The following ALDH18A1 variants were observed in gnomAD, a reference collection of about 807,000 sequenced individuals.
The protein encoded by ALDH18A1 is delta-1-pyrroline-5-carboxylate synthase.
In ALDH18A1, 44 loss-of-function variants were observed where a neutral mutation model predicts 88.8. The ratio of observed to expected loss-of-function variants is 0.50; its 90% CI spans 0.39 to 0.64. The LOEUF (loss-of-function observed/expected upper bound fraction) is 0.64, where lower values mean the gene tolerates loss of function less well. Ranked by LOEUF, ALDH18A1 falls within the 30% of genes least tolerant of loss-of-function variation. The pLI, the probability that ALDH18A1 is intolerant of heterozygous loss-of-function variation, is 0.00. For missense variants in ALDH18A1, 782 were observed against 1,009.5 expected (o/e 0.77, Z 3.05); for synonymous variants, 331 against 372.1 (o/e 0.89, Z 1.27).
At chr10:95,638,085 C>T (rs1377827185) in intron 3 of ALDH18A1, among the ~76,000 whole-genome samples, 2 of 152,206 alleles carry the variant, frequency 1.3e-5, no homozygotes, top group Non-Finnish European at 2.9e-5. Context: ...ATGAATGTGG[C>T]TCACTGCAGC....
In ALDH18A1 at chr10:95,606,642, T is replaced by C. The variant is rs2097823237; in HGVS notation, c.*120A>G. 6.2e-7 allele frequency: 1 copy of C among 1,606,522 alleles called. No individual in the cohort carries two copies. Among genetic ancestry groups the C allele is most frequent in the Non-Finnish European group, 8.5e-7 (1 of 1,178,662 alleles). On this transcript the variant is annotated 3_prime_UTR_variant, in exon 18 of 18. Transcript: ENST00000371224. ...CAAACGGAGCCCAGAAGCATCCAGG[T>C]ACACTTTCCAACAGGCAGACCCTAC...
chr10:95,631,854 G>GA (rs1243621333), intron 7 of ALDH18A1, among the ~76,000 whole-genome samples: 2 of 151,546 alleles, frequency 1.3e-5, no homozygotes, highest in African/African-American at 2.4e-5. Context: ...CCTTACTTTG[G>GA]AAAACAGTCT....
chr10:95,620,964 T>A (rs1239588144), intron 12 of ALDH18A1, 67 bp downstream of exon 12: 4 of 1,437,514 alleles, frequency 2.8e-6, no homozygotes, highest in Non-Finnish European at 3.8e-6. Context: ...AGAAAATATA[T>A]TCTTCCTCCA....
chr10:95,643,092 T>C lies in ALDH18A1; in HGVS notation c.203A>G (p.Lys68Arg). 2 of 1,614,240 alleles carry C rather than the reference T, an allele frequency of 1.2e-6. No individual in the cohort carries two copies. The highest frequency in any genetic ancestry group is 1.7e-6 in the Non-Finnish European group (2 of 1,180,046). Reference sequence around the variant, plus strand: ...CTTCACCACGATTCTCTTGGCATGCTTCAGCTCACTGCGGTGGGCGAAGGA... The same window carrying C: ...CTTCACCACGATTCTCTTGGCATGCCTCAGCTCACTGCGGTGGGCGAAGGA... ...GKSFAHRSEL[K>R]HAKRIVVKLG... The change falls in exon 3 of 18, where the codon AAG (lysine) becomes AGG (arginine). Residue 68 changes from lysine (K) to arginine (R), a missense_variant. Lys to Arg is a conservative substitution (Grantham distance 26, BLOSUM62 2). Around this residue, in one of 3 missense-constraint regions of ALDH18A1, gnomAD observed 94 missense variants for 99.5 expected, o/e 0.94. Transcript: ENST00000371224.
rs148228931 is a variant in ALDH18A1 at position 95,643,076 on chromosome 10, G to A, written c.219C>T (p.Ile73=). The A allele has an allele frequency of 3.0e-5, 49 of 1,614,166 alleles. No homozygotes were observed. The African/African-American group carries it at 3.3e-4, about 11-fold the overall frequency. ...CCACGGCACTGCCGAGCTTCACCAC[G>A]ATTCTCTTGGCATGCTTCAGCTCAC... ...HRSELKHAKR[I]VVKLGSAVVT... Residue 73 remains isoleucine, a synonymous_variant, in exon 3 of 18, where the codon ATC becomes ATT. Transcript: ENST00000371224.
intron 2 of ALDH18A1, among the ~76,000 whole-genome samples, chr10:95,648,163 G>A (rs897443942): frequency 1.3e-5 from 2 of 152,104 alleles, no homozygotes; most frequent in African/African-American, 4.8e-5. Context: ...TCAACCTGTG[G>A]GCTGTCCTCA....
intron 9 of ALDH18A1, 146 bp downstream of exon 9, chr10:95,627,296 A>T (rs1456254695): frequency 1.8e-6 from 2 of 1,104,836 alleles, no homozygotes; most frequent in Non-Finnish European, 2.7e-6. Context: ...AATTTCACAA[A>T]AGCAAAGCAA....
At chr10:95,626,656 T>C (rs548311307) in intron 10 of ALDH18A1, 47 bp downstream of exon 10, 3 of 1,583,592 alleles carry the variant, frequency 1.9e-6, no homozygotes, top group East Asian at 2.2e-5. Context: ...CTACACAGCA[T>C]GACTCACTCT....
At chr10:95,610,434 A>C in intron 16 of ALDH18A1, 142 bp from the exon 17 acceptor site, 1 of 729,928 alleles carries the variant, frequency 1.4e-6, no homozygotes, top group Non-Finnish European at 2.4e-6. Flanking sequence ...TTAAATACTC[A>C]GGCTTATGAA....
In ALDH18A1 at chr10:95,616,589, C is replaced by A. The variant is rs569086681; in HGVS notation, c.1493G>T (p.Gly498Val). The A allele has an allele frequency of 1.9e-6, 3 of 1,606,994 alleles. No homozygotes were observed. In the African/African-American group the frequency reaches 4.0e-5, roughly 21 times the overall value. The stretch of plus-strand genomic sequence containing the variant: ...CCCTCCTTTGAGTAACAAGCCATTG[C>A]CACTTGCGATAGCCAAAGCTGCCAC... ...PQVAALAIAS[G>V]NGLLLKGGKE... The change falls in exon 13 of 18, where the codon GGC becomes GTC. Residue 498 changes from glycine (G) to valine (V), a missense_variant. Gly to Val is a moderately radical substitution (Grantham distance 109, BLOSUM62 -3). Transcript: ENST00000371224.
intron 7 of ALDH18A1, among the ~76,000 whole-genome samples, chr10:95,630,120 C>CCT (rs1555261855): frequency 1.3e-5 from 2 of 151,390 alleles, no homozygotes; most frequent in East Asian, 2.0e-4. Context: ...TCTTTCCCCC[C>CCT]CCTCTCCCAA....
Position 95,631,796 on chromosome 10 carries a change from T to C in ALDH18A1, c.808+1163A>G, listed in dbSNP as rs563260999. On this transcript the variant is annotated intron_variant, in intron 7 of 17. Transcript: ENST00000371224. Reference sequence around the variant, plus strand: ...GAATAACAGCAATGATGTAAACACATTAGAACCTTCATACAATGCTGGTGA... The same window carrying C: ...GAATAACAGCAATGATGTAAACACACTAGAACCTTCATACAATGCTGGTGA... 2.7e-4 allele frequency among the ~76,000 whole-genome samples: 40 copies of C among 145,852 alleles called. 1 individual carries two copies. The highest frequency in any genetic ancestry group is 2.5e-3 in the Admixed American group (37 of 14,740).
In ALDH18A1 at chr10:95,637,308, C is replaced by T; in HGVS notation, c.432G>A (p.Gly144=). ...TCACCATTTCTTTCAGCTGGTTCTGCCCCGAGTGGAGGGCCTGCCGCACGC... is the reference window on the plus strand; with the variant it reads ...TCACCATTTCTTTCAGCTGGTTCTGTCCCGAGTGGAGGGCCTGCCGCACGC... ...SQSVRQALHS[G]QNQLKEMAIP... The change falls in exon 4 of 18, where the codon GGG becomes GGA. Residue 144 remains glycine (G), a synonymous_variant. Coordinates refer to ENST00000371224, the MANE Select transcript of ALDH18A1 (RefSeq NM_002860.4). 6.2e-7 allele frequency: 1 copy of T among 1,614,224 alleles called. No homozygotes were observed. The highest frequency in any genetic ancestry group is 8.5e-7 in the Non-Finnish European group (1 of 1,180,050).
At chr10:95,623,668 C>T (rs1217061167) in intron 11 of ALDH18A1, among the ~76,000 whole-genome samples, 1 of 152,092 alleles carries the variant, frequency 6.6e-6, no homozygotes, top group African/African-American at 2.4e-5. Flanking sequence ...CGAGTTCAAG[C>T]GATTCTCCTG....
intron 7 of ALDH18A1, 24 bp from the exon 8 acceptor site, chr10:95,628,516 A>G: frequency 6.2e-7 from 1 of 1,610,218 alleles, no homozygotes; most frequent in Non-Finnish European, 8.5e-7. Context: ...AAGAGTCAGT[A>G]ATACTGCTTT....
chr10:95,606,334 C>A lies in ALDH18A1; in HGVS notation c.*428G>T. Reference sequence around the variant, plus strand: ...CCTTTTCTAAAATTCCAAATCTTTCCTTTTTGAAGATGACTACATGTGAAA... The same window carrying A: ...CCTTTTCTAAAATTCCAAATCTTTCATTTTTGAAGATGACTACATGTGAAA... On this transcript the variant is annotated 3_prime_UTR_variant, in exon 18 of 18. Coordinates refer to ENST00000371224, the MANE Select transcript of ALDH18A1 (RefSeq NM_002860.4). 1 of 1,000,310 alleles carries A rather than the reference C, an allele frequency of 1.0e-6. No homozygotes were observed. The highest frequency in any genetic ancestry group is 1.2e-6 in the Non-Finnish European group (1 of 838,528). The allele number at this position is 1,000,310 out of a possible 1,614,324, so 62.0% of individuals were successfully genotyped here.
At chr10:95,621,976 T>C (rs559955328) in intron 11 of ALDH18A1, among the ~76,000 whole-genome samples, 1 of 152,262 alleles carries the variant, frequency 6.6e-6, no homozygotes, top group African/African-American at 2.4e-5. Flanking sequence ...AGGCAAACTA[T>C]AAAACAGCAT....
At chr10:95,616,844 C>G in intron 12 of ALDH18A1, 1 of 617,324 alleles carries the variant, frequency 1.6e-6, no homozygotes, top group Non-Finnish European at 2.9e-6. Flanking sequence ...CGAAGTCACA[C>G]AGCTTATAAA....
Position 95,643,063 on chromosome 10 carries a change from C to T in ALDH18A1, c.232G>A (p.Gly78Ser), listed in dbSNP as rs762588270. The T allele has an allele frequency of 8.1e-6, 13 of 1,613,916 alleles. No individual in the cohort carries two copies. In the East Asian group the frequency reaches 8.9e-5, roughly 11 times the overall value. The change falls in exon 3 of 18, where the codon GGC (glycine) becomes AGC (serine). Residue 78 changes from glycine (G) to serine (S), a missense_variant. This residue lies in a region of ALDH18A1 where 132 missense variants were observed against 255.5 expected (regional missense o/e 0.52). Coordinates refer to ENST00000371224, the MANE Select transcript of ALDH18A1 (RefSeq NM_002860.4). ...KHAKRIVVKL[G>S]SAVVTRGDEC... ...TCCCCTCGGGTCACCACGGCACTGC[C>T]GAGCTTCACCACGATTCTCTTGGCA...
Sources: gnomAD v4.1 joint callset for allele counts (sites outside exome capture counted in the v4.1 genomes callset) on GRCh38, gnomAD v4.1.1 for gene constraint, gnomAD v4.1.1 regional missense constraint, MANE v1.5 for transcripts, NCBI Gene and HGNC (gene_info 2026-07-23, HGNC 2026-07-21) for gene names.